Variants in MAP3K5 observed in about 807,000 individuals in gnomAD.
MAP3K5 encodes mitogen-activated protein kinase kinase kinase 5, also known as ASK-1.
A neutral mutation model predicts 158.7 loss-of-function variants in MAP3K5; 56 were observed. The ratio of observed to expected loss-of-function variants is 0.35; its 90% CI spans 0.28 to 0.44. The LOEUF is 0.44. Among genes scored for constraint, MAP3K5 ranks in the 20% least tolerant of loss-of-function variants. The pLI is 1.00. For synonymous variants in MAP3K5, 579 were observed against 601.7 expected, an observed-to-expected ratio of 0.96 and a Z score of 0.55; for missense variants, 1,294 against 1,674.8, an observed-to-expected ratio of 0.77 and a Z score of 3.97.
chr6:136,686,606 A>G (rs1009263013), intron 7 of MAP3K5, among the ~76,000 whole-genome samples: 1 of 152,198 alleles, frequency 6.6e-6, no homozygotes, highest in Non-Finnish European at 1.5e-5. Flanking sequence ...AGCAAAAATC[A>G]CAAGCATTCC....
intron 1 of MAP3K5, among the ~76,000 whole-genome samples, chr6:136,769,703 T>C (rs1784097513): frequency 7.1e-6 from 1 of 140,712 alleles, no homozygotes; most frequent in African/African-American, 2.7e-5. Context: ...CACACAAGGC[T>C]GACCCAACCA....
chr6:136,723,813 G>A (rs1781842873), intron 1 of MAP3K5, among the ~76,000 whole-genome samples: 2 of 152,174 alleles, frequency 1.3e-5, no homozygotes, highest in South Asian at 4.1e-4. Context: ...CAGGTCAAAG[G>A]AGCTTCAGAA....
Position 136,659,372 on chromosome 6 carries a change from T to C in MAP3K5, c.1373A>G (p.Lys458Arg). 3 of 1,613,860 alleles carry C rather than the reference T, an allele frequency of 1.9e-6. No individual in the cohort carries two copies. The highest frequency in any genetic ancestry group is 2.5e-6 in the Non-Finnish European group (3 of 1,179,974). ...SSFELRKVGV[K>R]LSSLLGKKGN... is the part of the protein sequence containing the mutation. ...CTTTTTACCAAGAAGACTACTTAGC[T>C]TCACCCCTAGAATACAAACAGGAAG... Residue 458 changes from lysine to arginine, a missense_variant, in exon 9 of 30, where the codon AAG becomes AGG. Lys to Arg is a conservative substitution (Grantham distance 26, BLOSUM62 2). Transcript: ENST00000359015.
intron 23 of MAP3K5, among the ~76,000 whole-genome samples, chr6:136,588,489 C>CA (rs1423920998): frequency 6.6e-6 from 1 of 152,194 alleles, no homozygotes; most frequent in African/African-American, 2.4e-5. Context: ...GCTGTTATTA[C>CA]TATATGTTTT....
chr6:136,595,383 G>A (rs1775579883), intron 21 of MAP3K5, among the ~76,000 whole-genome samples: 1 of 152,170 alleles, frequency 6.6e-6, no homozygotes, highest in African/African-American at 2.4e-5. Context: ...GGGATTACAG[G>A]TGTTGAGCCA....
At chr6:136,650,400 TA>T (rs1204890905) in intron 11 of MAP3K5, among the ~76,000 whole-genome samples, 2 of 152,200 alleles carry the variant, frequency 1.3e-5, no homozygotes, top group Admixed American at 1.3e-4. Context: ...CTGATGAATA[TA>T]GAAGTGGAAA....
At chr6:136,655,502 C>T (rs961398718) in intron 10 of MAP3K5, among the ~76,000 whole-genome samples, 1 of 152,058 alleles carries the variant, frequency 6.6e-6, no homozygotes, top group Non-Finnish European at 1.5e-5. Context: ...CAAGATTTCA[C>T]AAAAAGAATT....
intron 8 of MAP3K5, among the ~76,000 whole-genome samples, chr6:136,660,884 G>A (rs1358115486): frequency 6.6e-6 from 1 of 151,590 alleles, no homozygotes; most frequent in African/African-American, 2.4e-5. Flanking sequence ...CAGTAGAGAT[G>A]CAAATTTCTG....
rs116190331 is a variant in MAP3K5 at position 136,580,907 on chromosome 6, G to A, written c.3412-501C>T. The stretch of plus-strand genomic sequence containing the variant: ...ATGGCTCACTGCAACCTGTGCCTCC[G>A]GGGCTCAAGCAATCCTCCCGCCTCA... On this transcript the variant is annotated intron_variant, in intron 24 of 29. Transcript: ENST00000359015. Among the ~76,000 whole-genome samples the A allele has an allele frequency of 5.9e-3, 894 of 151,848 alleles. 8 individuals are homozygous for A. The highest frequency in any genetic ancestry group is 0.021 in the African/African-American group (852 of 41,386).
At chr6:136,693,503 G>A (rs1268339985) in intron 7 of MAP3K5, among the ~76,000 whole-genome samples, 10 of 151,330 alleles carry the variant, frequency 6.6e-5, no homozygotes, top group African/African-American at 4.9e-5. Context: ...CTACAAACTC[G>A]GTATATTTTT....
In MAP3K5 at chr6:136,643,895, C is replaced by CT. The variant is rs536015621; in HGVS notation, c.1789-1327dup. Among the ~76,000 whole-genome samples, 36 of 151,916 alleles carry CT rather than the reference C, an allele frequency of 2.4e-4. No individual in the cohort carries two copies. The South Asian group carries it at 7.3e-3, about 31-fold the overall frequency. ...CTAAATCCTGTTGGCCTCAGGTGAA[C>CT]TTCTAAATATATATATATATATATG... is the stretch of plus-strand genomic sequence containing the variant. On this transcript the variant is annotated intron_variant, in intron 11 of 29. Coordinates refer to ENST00000359015, the MANE Select transcript of MAP3K5 (RefSeq NM_005923.4).
At chr6:136,710,455 T>G (rs1402666967) in intron 2 of MAP3K5, among the ~76,000 whole-genome samples, 1 of 152,116 alleles carries the variant, frequency 6.6e-6, no homozygotes, top group Non-Finnish European at 1.5e-5. Flanking sequence ...CCTGATTTTC[T>G]GGTATTGGTT....
At chr6:136,726,035 C>T (rs1414593890) in intron 1 of MAP3K5, among the ~76,000 whole-genome samples, 4 of 152,196 alleles carry the variant, frequency 2.6e-5, no homozygotes, top group African/African-American at 9.6e-5. Context: ...CTTTTGTCAA[C>T]ACAACAATTG....
Position 136,670,903 on chromosome 6 carries a change from T to A in MAP3K5, c.1254-1508A>T, listed in dbSNP as rs1322761839. 3.3e-5 allele frequency among the ~76,000 whole-genome samples: 5 copies of A among 152,164 alleles called. 1 individual carries two copies. The highest frequency in any genetic ancestry group is 2.6e-4 in the Admixed American group (4 of 15,274). On this transcript the variant is annotated intron_variant, in intron 7 of 29. Coordinates refer to ENST00000359015, the MANE Select transcript of MAP3K5 (RefSeq NM_005923.4). ...AAGCATTTTTTAATGTTTCCAGAAG[T>A]ATACATGTTTCCATTCTAAAATGAA...
At chr6:136,731,507 G>A (rs945917488) in intron 1 of MAP3K5, among the ~76,000 whole-genome samples, 3 of 152,094 alleles carry the variant, frequency 2.0e-5, no homozygotes, top group African/African-American at 7.2e-5. Context: ...TCTTTTACAA[G>A]GACACTTGTG....
At chr6:136,568,619 A>G (rs1774224928) in intron 25 of MAP3K5, among the ~76,000 whole-genome samples, 1 of 152,216 alleles carries the variant, frequency 6.6e-6, no homozygotes, top group Non-Finnish European at 1.5e-5. Flanking sequence ...TCACGCCTGT[A>G]ATCCCAGCAC....
chr6:136,588,398 T>C (rs2129079189), intron 23 of MAP3K5, among the ~76,000 whole-genome samples: 2 of 152,340 alleles, frequency 1.3e-5, no homozygotes, highest in East Asian at 1.9e-4. Context: ...GAACTATTGG[T>C]ATAGTATTAC....
chr6:136,623,532 AGT>A (rs1434825789), intron 14 of MAP3K5, among the ~76,000 whole-genome samples: 3 of 152,214 alleles, frequency 2.0e-5, no homozygotes, highest in African/African-American at 7.2e-5. Context: ...CATTTTTTTA[AGT>A]GAAAAATAGA....
intron 1 of MAP3K5, among the ~76,000 whole-genome samples, chr6:136,775,253 A>G (rs745315453): frequency 2.0e-5 from 3 of 152,220 alleles, no homozygotes; most frequent in Non-Finnish European, 4.4e-5. Flanking sequence ...TCAGGAAGAA[A>G]TTTACCTGGT....
Sources: gnomAD v4.1 joint callset for allele counts (sites outside exome capture counted in the v4.1 genomes callset) on GRCh38, gnomAD v4.1.1 for gene constraint, MANE v1.5 for transcripts, NCBI Gene and HGNC (gene_info 2026-07-23, HGNC 2026-07-21) for gene names.